Variants in CHD6 observed in about 807,000 individuals in gnomAD.
CHD6 encodes ATP-dependent chromatin remodeler CHD6.
CHD6 carries 50 observed loss-of-function variants against 276.9 expected under a neutral mutation model. That is an observed-to-expected ratio of 0.18 (90% CI 0.14 to 0.23). The LOEUF is 0.23. Among genes scored for constraint, CHD6 ranks in the 10% least tolerant of loss-of-function variants. The pLI, the probability that CHD6 is intolerant of heterozygous loss-of-function variation, is 1.00. For missense variants in CHD6, 2,564 were observed against 3,365.8 expected (o/e 0.76, Z 5.89); for synonymous variants, 1,173 against 1,229.3 (o/e 0.95, Z 0.96).
chr20:41,480,411 T>C (rs2043268663), intron 16 of CHD6, among the ~76,000 whole-genome samples: 2 of 152,188 alleles, frequency 1.3e-5, no homozygotes, highest in Admixed American at 1.3e-4. Flanking sequence ...ATCAAAAAGA[T>C]AATTTTTAGT....
At chr20:41,566,947 C>A (rs575148890) in intron 1 of CHD6, among the ~76,000 whole-genome samples, 1 of 152,104 alleles carries the variant, frequency 6.6e-6, no homozygotes, top group Non-Finnish European at 1.5e-5. Flanking sequence ...AGGGCCCAAC[C>A]GTGACCAAGG....
chr20:41,502,125 A>C (rs2043843351), intron 5 of CHD6, among the ~76,000 whole-genome samples: 1 of 152,132 alleles, frequency 6.6e-6, no homozygotes, highest in African/African-American at 2.4e-5. Context: ...ATTCTATATA[A>C]TCCATTTTAT....
At position 41,533,165 on chromosome 20, in the gene CHD6, GCTTCGGCTCCTTGTGCTCCTTGGCCTT is replaced by G; in HGVS notation, c.412_438del (p.Lys138_Lys146del). On this transcript the variant is annotated inframe_deletion, in exon 3 of 37. Coordinates refer to ENST00000373233, the MANE Select transcript of CHD6 (RefSeq NM_032221.5). The stretch of plus-strand genomic sequence containing the variant: ...CGTGCCTTCTTTGCCCCATCTTTTT[GCTTCGGCTCCTTGTGCTCCTTGGCCTT>G]CTTCGGCTCCTTGGCCTTTCTGGGT... 2 of 1,614,080 alleles carry G rather than the reference GCTTCGGCTCCTTGTGCTCCTTGGCCTT, an allele frequency of 1.2e-6. No individual in the cohort carries two copies. The highest frequency in any genetic ancestry group is 2.2e-5 in the East Asian group (1 of 44,872).
chr20:41,516,959 A>C (rs377530143), intron 3 of CHD6, among the ~76,000 whole-genome samples: 4 of 152,238 alleles, frequency 2.6e-5, no homozygotes, highest in East Asian at 1.9e-4. Flanking sequence ...GAAGAGAAGG[A>C]AACTGGATGA....
In CHD6 at chr20:41,412,243, C is replaced by T. The variant is rs1361159394; in HGVS notation, c.7152G>A (p.Lys2384=). ...GTTCTTTACAGCGTGGCCTCCTCTG[C>T]TTTGGTTTGTCTGAAAAATTCTAGG... ...GFGANFSDKP[K]QRRPRCKEPG... Residue 2384 remains lysine (K), a synonymous_variant, in exon 36 of 37, where the codon AAG becomes AAA. Transcript: ENST00000373233. 2 of 1,614,202 alleles carry T rather than the reference C, an allele frequency of 1.2e-6. No individual in the cohort carries two copies. The highest frequency in any genetic ancestry group is 2.2e-5 in the East Asian group (1 of 44,888).
chr20:41,490,700 C>T (rs1337337183), intron 11 of CHD6, among the ~76,000 whole-genome samples: 1 of 152,042 alleles, frequency 6.6e-6, no homozygotes, highest in Non-Finnish European at 1.5e-5. Flanking sequence ...GTAATCCCAG[C>T]TACTAGGGAG....
At chr20:41,508,468 G>C (rs901587157) in intron 5 of CHD6, among the ~76,000 whole-genome samples, 4 of 152,128 alleles carry the variant, frequency 2.6e-5, no homozygotes, top group African/African-American at 9.7e-5. Context: ...TCCGACTGGG[G>C]AGAGCAGAGA....
At chr20:41,579,885 A>C (rs981629603) in intron 1 of CHD6, among the ~76,000 whole-genome samples, 5 of 152,192 alleles carry the variant, frequency 3.3e-5, no homozygotes, top group Admixed American at 3.3e-4. Context: ...ATACAATCAA[A>C]GAAATAATCT....
intron 3 of CHD6, among the ~76,000 whole-genome samples, chr20:41,521,910 A>T (rs990190242): frequency 6.6e-6 from 1 of 152,270 alleles, no homozygotes; most frequent in African/African-American, 2.4e-5. Flanking sequence ...AATTGAGGAC[A>T]GTAAAGAATT....
intron 1 of CHD6, among the ~76,000 whole-genome samples, chr20:41,616,354 G>C (rs966048151): frequency 1.3e-4 from 20 of 152,206 alleles, no homozygotes; most frequent in African/African-American, 4.6e-4. Flanking sequence ...CAAAGAAATA[G>C]CTGCAGAATA....
Position 41,499,343 on chromosome 20 carries a change from A to T in CHD6, c.867T>A (p.Asp289Glu). 1 of 1,604,246 alleles carries T rather than the reference A, an allele frequency of 6.2e-7. No individual in the cohort carries two copies. The stretch of plus-strand genomic sequence containing the variant: ...GGATCTTCTCAATGATGTTTGCATC[A>T]TCTTCTGGAGGCTCCTGGGGACAAA... ...LAWQAEEPPE[D>E]DANIIEKILA... The change falls in exon 6 of 37, where the codon GAT becomes GAA. Residue 289 changes from aspartate to glutamate, a missense_variant. Asp to Glu is a conservative substitution (Grantham distance 45). Transcript: ENST00000373233.
chr20:41,593,225 A>C (rs1008014824), intron 1 of CHD6, among the ~76,000 whole-genome samples: 1 of 151,344 alleles, frequency 6.6e-6, no homozygotes, highest in African/African-American at 2.4e-5. Context: ...TTAAATAGTA[A>C]AAGAGGGATA....
intron 17 of CHD6, among the ~76,000 whole-genome samples, chr20:41,463,049 G>A (rs575767957): frequency 6.6e-6 from 1 of 152,168 alleles, no homozygotes; most frequent in Admixed American, 6.5e-5. Context: ...CTCAAAGAAC[G>A]AGGGAGACAT....
Position 41,452,966 on chromosome 20 carries a change from G to A in CHD6, c.3121-24C>T. On this transcript the variant is annotated intron_variant, in intron 20 of 36. Transcript: ENST00000373233. The surrounding 1 kb of genome is among the most constrained non-coding windows in gnomAD (Gnocchi z 4.2). ...TCCTAGAAATGGAGAGGACTACTGGGAAGAAAGTCCTCTTTTCTCTACTCC... is the reference window on the plus strand; with the variant it reads ...TCCTAGAAATGGAGAGGACTACTGGAAAGAAAGTCCTCTTTTCTCTACTCC... 1 of 1,579,362 alleles carries A rather than the reference G, an allele frequency of 6.3e-7. No individual in the cohort carries two copies. The highest frequency in any genetic ancestry group is 8.7e-7 in the Non-Finnish European group (1 of 1,148,674).
chr20:41,483,413 A>C lies in CHD6; in HGVS notation c.2364T>G (p.Ile788Met), dbSNP rs1947440080. ...CAATCAGCTTAGGGAGTAGTTTATC[A>C]ATCAACACAAGCTTTCCTGCTGCCT... ...MIQAAGKLVL[I>M]DKLLPKLIAG... The change falls in exon 16 of 37, where the codon ATT becomes ATG. Residue 788 changes from isoleucine (I) to methionine (M), a missense_variant. Around this residue, in one of 7 missense-constraint regions of CHD6, gnomAD observed 457 missense variants for 889.0 expected, o/e 0.51. Coordinates refer to ENST00000373233, the MANE Select transcript of CHD6 (RefSeq NM_032221.5). 2 of 1,613,828 alleles carry C rather than the reference A, an allele frequency of 1.2e-6. No homozygotes were observed. The highest frequency in any genetic ancestry group is 1.7e-4 in the Middle Eastern group (1 of 6,056).
chr20:41,529,274 T>C (rs1246411284), intron 3 of CHD6, among the ~76,000 whole-genome samples: 1 of 152,248 alleles, frequency 6.6e-6, no homozygotes, highest in African/African-American at 2.4e-5. Flanking sequence ...TTATTCTTGG[T>C]ATATATACAT....
intron 18 of CHD6, 121 bp from the exon 19 acceptor site, chr20:41,456,100 AC>A: frequency 1.1e-6 from 1 of 917,824 alleles, no homozygotes; most frequent in Non-Finnish European, 1.5e-6. Flanking sequence ...AGAACAAAGG[AC>A]GTGGGCAACA....
intron 1 of CHD6, among the ~76,000 whole-genome samples, chr20:41,614,166 G>GT (rs1463608122): frequency 1.3e-5 from 2 of 152,086 alleles, no homozygotes; most frequent in African/African-American, 4.8e-5. Flanking sequence ...CAATAAAGGG[G>GT]TAAAAAAATG....
chr20:41,414,785 A>G, intron 34 of CHD6: 1 of 1,075,932 alleles, frequency 9.3e-7, no homozygotes, highest in Non-Finnish European at 1.1e-6. Context: ...CCAGGATCAC[A>G]TTCAGGTAGC....
Sources: allele counts gnomAD v4.1 joint callset (sites outside exome capture counted in the v4.1 genomes callset), GRCh38; gene constraint gnomAD v4.1.1; regional missense constraint gnomAD v4.1.1; non-coding constraint Gnocchi (gnomAD v3.1); transcripts MANE v1.5; gene names NCBI Gene and HGNC (gene_info 2026-07-23, HGNC 2026-07-21).